SCOC: variants seen among roughly 807,000 people sequenced by gnomAD.
The protein encoded by SCOC is short coiled coil protein.
SCOC carries 7 observed loss-of-function variants against 9.9 expected under a neutral mutation model. The observed-to-expected ratio is 0.71, with a 90% CI of 0.40 to 1.33. SCOC has a LOEUF of 1.33. Among genes scored for constraint, SCOC ranks in the 40% most tolerant of loss-of-function variants. The pLI is 0.01. For missense variants in SCOC, 66 were observed against 89.7 expected (o/e 0.74, Z 1.07); for synonymous variants, 19 against 28.2 (o/e 0.67, Z 1.03).
intron 1 of SCOC, among the ~76,000 whole-genome samples, chr4:140,276,952 C>T (rs1342905329): frequency 6.6e-6 from 1 of 152,126 alleles, no homozygotes; most frequent in Non-Finnish European, 1.5e-5. Flanking sequence ...AATAATATTA[C>T]TCTCTCTCCT....
intron 2 of SCOC, among the ~76,000 whole-genome samples, chr4:140,362,302 T>TTCTTCTTCTTC (rs1727582964): frequency 3.6e-5 from 1 of 27,842 alleles, no homozygotes; most frequent in African/African-American, 1.2e-4. Flanking sequence ...TCTTCTTCTT[T>TTCTTCTTCTTC]TTTTTTTTTT....
At chr4:140,291,063 T>G (rs534800701) in intron 1 of SCOC, among the ~76,000 whole-genome samples, 16 of 152,312 alleles carry the variant, frequency 1.1e-4, no homozygotes, top group African/African-American at 3.4e-4. Context: ...ATATCTTTTT[T>G]CTAATATTGG....
At chr4:140,314,782 T>C (rs1177107259) in intron 1 of SCOC, among the ~76,000 whole-genome samples, 1 of 152,122 alleles carries the variant, frequency 6.6e-6, no homozygotes, top group Non-Finnish European at 1.5e-5. Flanking sequence ...CAATGAGAAG[T>C]TGGCCTCAGA....
At chr4:140,303,415 T>C (rs1731870279) in intron 1 of SCOC, among the ~76,000 whole-genome samples, 1 of 152,196 alleles carries the variant, frequency 6.6e-6, no homozygotes, top group Non-Finnish European at 1.5e-5. Context: ...CCTCAGGCCC[T>C]GTGGCCCTGC....
intron 2 of SCOC, among the ~76,000 whole-genome samples, chr4:140,357,033 A>G (rs1425153961): frequency 6.6e-6 from 1 of 152,134 alleles, no homozygotes; most frequent in Admixed American, 6.5e-5. Context: ...GCAGTGGTGC[A>G]ATCTCGGCTC....
intron 1 of SCOC, chr4:140,285,168 C>A (rs751257467): frequency 1.3e-5 from 6 of 456,618 alleles, no homozygotes; most frequent in Admixed American, 9.4e-5. Context: ...GAGTTGGGTC[C>A]CAAGGTCTTA....
chr4:140,375,247 T>A (rs1409887278), intron 1 of SCOC, among the ~76,000 whole-genome samples: 1 of 152,242 alleles, frequency 6.6e-6, no homozygotes, highest in African/African-American at 2.4e-5. Context: ...ATTCTTTCTG[T>A]TGCCCAAATT....
intron 1 of SCOC, among the ~76,000 whole-genome samples, chr4:140,276,892 T>C (rs1424876664): frequency 6.6e-6 from 1 of 152,146 alleles, no homozygotes; most frequent in Non-Finnish European, 1.5e-5. Flanking sequence ...AGGCAGAGTA[T>C]TGGACTGCAG....
rs542675796 is a variant in SCOC at position 140,353,693 on chromosome 4, G to A, written c.70+9985G>A. ...GATTACAGGCGTGAGCCACCATGCCGGCCTAGTATTCATTTTCAGTCCTCA... is the reference window on the plus strand; with the variant it reads ...GATTACAGGCGTGAGCCACCATGCCAGCCTAGTATTCATTTTCAGTCCTCA... On this transcript the variant is annotated intron_variant, in intron 2 of 4. Coordinates refer to the SCOC transcript ENST00000338517. 1.1e-4 allele frequency among the ~76,000 whole-genome samples: 17 copies of A among 152,156 alleles called. No individual in the cohort carries two copies. The South Asian group carries it at 1.7e-3, about 15-fold the overall frequency.
chr4:140,303,019 A>T (rs1182934804), intron 1 of SCOC, among the ~76,000 whole-genome samples: 1 of 152,212 alleles, frequency 6.6e-6, no homozygotes, highest in Non-Finnish European at 1.5e-5. Context: ...CTGCAACAAC[A>T]ATGGACCCTA....
intron 1 of SCOC, among the ~76,000 whole-genome samples, chr4:140,278,582 G>A (rs1731035424): frequency 1.3e-5 from 2 of 152,120 alleles, no homozygotes; most frequent in Non-Finnish European, 2.9e-5. Context: ...TACAGGTGAA[G>A]CCTTTTTTAT....
At chr4:140,276,752 C>T (rs932578918) in intron 1 of SCOC, among the ~76,000 whole-genome samples, 1 of 151,918 alleles carries the variant, frequency 6.6e-6, no homozygotes, top group Non-Finnish European at 1.5e-5. Flanking sequence ...CCACCTCGGC[C>T]AGCCACTCTC....
At chr4:140,284,630 C>T (rs1731177837) in intron 1 of SCOC, 1 of 152,402 alleles carries the variant, frequency 6.6e-6, no homozygotes, top group Non-Finnish European at 1.5e-5. Context: ...CGCTCTGAAG[C>T]CTGGGGAAGC....
chr4:140,278,992 C>A (rs143694675), intron 1 of SCOC, among the ~76,000 whole-genome samples: 1 of 152,192 alleles, frequency 6.6e-6, no homozygotes, highest in East Asian at 1.9e-4. Flanking sequence ...TAATATGCTC[C>A]TCAAGATCCT....
At chr4:140,311,855 C>T (rs977356611) in intron 1 of SCOC, among the ~76,000 whole-genome samples, 1 of 152,134 alleles carries the variant, frequency 6.6e-6, no homozygotes, top group Admixed American at 6.5e-5. Context: ...GTAGTTAGCC[C>T]TCAGTAAATG....
intron 1 of SCOC, among the ~76,000 whole-genome samples, chr4:140,323,562 C>T (rs1732561083): frequency 6.6e-6 from 1 of 152,122 alleles, no homozygotes; most frequent in Non-Finnish European, 1.5e-5. Context: ...GACATCACTA[C>T]TGATCTCACA....
At chr4:140,288,996 C>A (rs1044061446) in intron 1 of SCOC, among the ~76,000 whole-genome samples, 1 of 152,042 alleles carries the variant, frequency 6.6e-6, no homozygotes, top group Non-Finnish European at 1.5e-5. Flanking sequence ...ATGCAGAAAT[C>A]TCTTCCATGT....
upstream of SCOC, chr4:140,373,613 C>G (rs528195754): frequency 3.2e-6 from 5 of 1,551,678 alleles, no homozygotes; most frequent in South Asian, 5.9e-5. Context: ...TCACGGCGCA[C>G]GTTCTGTGGG....
chr4:140,299,005 A>T (rs937407696), intron 1 of SCOC, among the ~76,000 whole-genome samples: 2 of 152,020 alleles, frequency 1.3e-5, no homozygotes, highest in African/African-American at 4.8e-5. Flanking sequence ...TTTTGTGGAG[A>T]CAGGGTCTCA....
Sources: gnomAD v4.1 joint callset for allele counts (sites outside exome capture counted in the v4.1 genomes callset) on GRCh38, gnomAD v4.1.1 for gene constraint, MANE v1.5 for transcripts, NCBI Gene and HGNC (gene_info 2026-07-23, HGNC 2026-07-21) for gene names.